PCDHB1: variants seen among roughly 807,000 people sequenced by gnomAD.
The protein encoded by PCDHB1 is protocadherin beta 1.
Under a neutral mutation model 43.5 loss-of-function variants are expected in PCDHB1, and 44 were observed. The ratio of observed to expected loss-of-function variants is 1.01; its 90% CI spans 0.79 to 1.30. The LOEUF is 1.30. PCDHB1 is among the 50% of genes most tolerant of loss of function. The pLI is 0.00. For synonymous variants in PCDHB1, 392 were observed against 400.8 expected, an observed-to-expected ratio of 0.98 and a Z score of 0.26; for missense variants, 919 against 1,008.9, an observed-to-expected ratio of 0.91 and a Z score of 1.21.
In PCDHB1 at chr5:141,054,551, A is replaced by G. The variant is rs1751081322; in HGVS notation, c.*624A>G. 6.6e-6 allele frequency: 1 copy of G among 152,240 alleles called. No homozygotes were observed. Among genetic ancestry groups the G allele is most frequent in the Non-Finnish European group, 1.5e-5 (1 of 68,092 alleles). 9.4% of individuals were successfully genotyped at this position (152,240 alleles called of 1,614,324 possible). On this transcript the variant is annotated 3_prime_UTR_variant, in exon 1 of 1. Transcript: ENST00000306549. ...AAATGCCTGGTAAATGGTGATCTTCACAAATAATCATGGTGGGAGGAAGGG... is the reference window on the plus strand; with the variant it reads ...AAATGCCTGGTAAATGGTGATCTTCGCAAATAATCATGGTGGGAGGAAGGG...
Position 141,054,740 on chromosome 5 carries a change from C to CTGGAG in PCDHB1, c.*816_*820dup, listed in dbSNP as rs1436107771. ...CGGAGTTTTTCTCTTGTTGCCCAGACTGGAGTGCAATGGCACGATCTCGGC... is the reference window on the plus strand; with the variant it reads ...CGGAGTTTTTCTCTTGTTGCCCAGACTGGAGTGGAGTGCAATGGCACGATCTCGGC... On this transcript the variant is annotated 3_prime_UTR_variant, in exon 1 of 1. Transcript: ENST00000306549. 2.5e-5 allele frequency: 3 copies of CTGGAG among 119,024 alleles called. No individual in the cohort carries two copies. The highest frequency in any genetic ancestry group is 9.8e-5 in the African/African-American group (3 of 30,670). The allele number at this position is 119,024 out of a possible 1,614,324, so 7.4% of individuals were successfully genotyped here. A position where few individuals can be genotyped will look rare whatever the true frequency, so the allele number is the denominator to read the frequency against.
In PCDHB1 at chr5:141,058,025, A is replaced by G. The variant is rs1554267959; in HGVS notation, c.*4098A>G. 6.6e-6 allele frequency: 1 copy of G among 152,232 alleles called. No homozygotes were observed. The highest frequency in any genetic ancestry group is 1.5e-5 in the Non-Finnish European group (1 of 68,032). 9.4% of individuals were successfully genotyped at this position (152,232 alleles called of 1,614,324 possible). On this transcript the variant is annotated 3_prime_UTR_variant, in exon 1 of 1. Coordinates refer to ENST00000306549, the MANE Select transcript of PCDHB1 (RefSeq NM_013340.4). ...AATAATTCTAGACTCATAAAATTGC[A>G]AAAATACTATAGATAGTTCCTGTAT...
At position 141,058,544 on chromosome 5, in the gene PCDHB1, T is replaced by C. The variant is rs782386453; in HGVS notation, c.*4617T>C. ...ATGTACCATGTTAGCCATTTTTAAGTATGTTAGCCATTTTTAAGTAATGTT... is the reference window on the plus strand; with the variant it reads ...ATGTACCATGTTAGCCATTTTTAAGCATGTTAGCCATTTTTAAGTAATGTT... On this transcript the variant is annotated 3_prime_UTR_variant, in exon 1 of 1. Coordinates refer to ENST00000306549, the MANE Select transcript of PCDHB1 (RefSeq NM_013340.4). 3.9e-5 allele frequency: 6 copies of C among 152,210 alleles called. No individual in the cohort carries two copies. Among genetic ancestry groups the C allele is most frequent in the Non-Finnish European group, 7.3e-5 (5 of 68,028 alleles). The allele number at this position is 152,210 out of a possible 1,614,324, so 9.4% of individuals were successfully genotyped here.
chr5:141,052,258 C>T lies in PCDHB1; in HGVS notation c.788C>T (p.Thr263Met), dbSNP rs1347403259. Residue 263 changes from threonine to methionine, a missense_variant, in exon 1 of 1, where the codon ACG becomes ATG. Thr to Met is a moderately conservative substitution (Grantham distance 81, BLOSUM62 -1). Transcript: ENST00000306549. ...AGCCCCAATGGCTCTTTGGTGGCCA[C>T]GGTGACTGCCGTGGACCTAGACGAG... is the stretch of plus-strand genomic sequence containing the variant. ...ENSPNGSLVA[T>M]VTAVDLDEGT... 4.3e-6 allele frequency: 7 copies of T among 1,614,060 alleles called. No homozygotes were observed. Among genetic ancestry groups the T allele is most frequent in the East Asian group, 2.2e-5 (1 of 44,890 alleles).
In PCDHB1 at chr5:141,056,824, T is replaced by A. The variant is rs909669156; in HGVS notation, c.*2897T>A. On this transcript the variant is annotated 3_prime_UTR_variant, in exon 1 of 1. Transcript: ENST00000306549. The stretch of plus-strand genomic sequence containing the variant: ...TTCGCCATGTTGGCATTTCGCTATG[T>A]TGGCCAGGCTGGTCTCGAGCTCCTG... 6.6e-6 allele frequency: 1 copy of A among 152,244 alleles called. No homozygotes were observed. Among genetic ancestry groups the A allele is most frequent in the Non-Finnish European group, 1.5e-5 (1 of 68,070 alleles). 9.4% of individuals were successfully genotyped at this position (152,244 alleles called of 1,614,324 possible).
In PCDHB1 at chr5:141,051,932, G is replaced by T. The variant is rs138595607; in HGVS notation, c.462G>T (p.Leu154=). Reference sequence around the variant, plus strand: ...CCCCTTTGGGTTCACGTTTTCCTCTGCAGAGCGCCCAGGATCTGGACGTGG... The same window carrying T: ...CCCCTTTGGGTTCACGTTTTCCTCTTCAGAGCGCCCAGGATCTGGACGTGG... ...ESTPLGSRFP[L]QSAQDLDVGL... Residue 154 remains leucine, a synonymous_variant, in exon 1 of 1, where the codon CTG becomes CTT. Transcript: ENST00000306549. 4.7e-4 allele frequency: 766 copies of T among 1,614,200 alleles called. 1 individual carries two copies. The highest frequency in any genetic ancestry group is 5.8e-4 in the Non-Finnish European group (686 of 1,180,032).
At position 141,051,945 on chromosome 5, in the gene PCDHB1, G is replaced by C; in HGVS notation, c.475G>C (p.Asp159His). 6.2e-7 allele frequency: 1 copy of C among 1,614,170 alleles called. No homozygotes were observed. Among genetic ancestry groups the C allele is most frequent in the Non-Finnish European group, 8.5e-7 (1 of 1,180,040 alleles). Reference protein sequence around the residue: ...GSRFPLQSAQDLDVGLNGLQN... With the variant: ...GSRFPLQSAQHLDVGLNGLQN... ...ACGTTTTCCTCTGCAGAGCGCCCAG[G>C]ATCTGGACGTGGGCCTTAACGGTCT... Residue 159 changes from aspartate (D) to histidine (H), a missense_variant, in exon 1 of 1, where the codon GAT becomes CAT. Asp to His is a moderately conservative substitution (Grantham distance 81, BLOSUM62 -1). Coordinates refer to ENST00000306549, the MANE Select transcript of PCDHB1 (RefSeq NM_013340.4).
In PCDHB1 at chr5:141,057,591, T is replaced by A. The variant is rs1284754371; in HGVS notation, c.*3664T>A. The A allele has an allele frequency of 1.4e-5, 2 of 142,418 alleles. No homozygotes were observed. The highest frequency in any genetic ancestry group is 3.1e-5 in the Non-Finnish European group (2 of 63,816). 8.8% of individuals were successfully genotyped at this position (142,418 alleles called of 1,614,324 possible). ...AGAAAAAAGAAAAAAAAAGGTAAGA[T>A]AACAATCTCATAAAAGAAACCATCC... On this transcript the variant is annotated 3_prime_UTR_variant, in exon 1 of 1. Coordinates refer to ENST00000306549, the MANE Select transcript of PCDHB1 (RefSeq NM_013340.4).
At position 141,054,135 on chromosome 5, in the gene PCDHB1, T is replaced by G. The variant is rs1563795351; in HGVS notation, c.*208T>G. 1 of 495,552 alleles carries G rather than the reference T, an allele frequency of 2.0e-6. No individual in the cohort carries two copies. Among genetic ancestry groups the G allele is most frequent in the African/African-American group, 1.9e-5 (1 of 52,764 alleles). 30.7% of individuals were successfully genotyped at this position (495,552 alleles called of 1,614,324 possible). ...TATCCTGATCCCCAGATCATATATCTATAACCCTTTCTCCAGTTGGAATTC... is the reference window on the plus strand; with the variant it reads ...TATCCTGATCCCCAGATCATATATCGATAACCCTTTCTCCAGTTGGAATTC... On this transcript the variant is annotated 3_prime_UTR_variant, in exon 1 of 1. Transcript: ENST00000306549.
In PCDHB1 at chr5:141,058,586, T is replaced by C. The variant is rs916795021; in HGVS notation, c.*4659T>C. On this transcript the variant is annotated 3_prime_UTR_variant, in exon 1 of 1. Coordinates refer to ENST00000306549, the MANE Select transcript of PCDHB1 (RefSeq NM_013340.4). Reference sequence around the variant, plus strand: ...AGTAATGTTAAGGTGATGTTAATTTTGATCGCTTGGTTAACATAATGTCTG... The same window carrying C: ...AGTAATGTTAAGGTGATGTTAATTTCGATCGCTTGGTTAACATAATGTCTG... The C allele has an allele frequency of 6.6e-6, 1 of 152,196 alleles. No homozygotes were observed. Among genetic ancestry groups the C allele is most frequent in the Non-Finnish European group, 1.5e-5 (1 of 68,028 alleles). 9.4% of individuals were successfully genotyped at this position (152,196 alleles called of 1,614,324 possible). A position where few individuals can be genotyped will look rare whatever the true frequency, so the allele number is the denominator to read the frequency against.
rs200399731 is a variant in PCDHB1, at chr5:141,052,172, T to C, written c.702T>C (p.Asp234=). The change falls in exon 1 of 1, where the codon GAT becomes GAC. Residue 234 remains aspartate (D), a synonymous_variant. Transcript: ENST00000306549. ...CTCACATCCACGTGGTGGTTCTGGA[T>C]GTCAACGACCACGTGCCCCAGTTCT... ...GTAHIHVVVL[D]VNDHVPQFSR... The C allele has an allele frequency of 6.2e-7, 1 of 1,613,982 alleles. No individual in the cohort carries two copies. Among genetic ancestry groups the C allele is most frequent in the Admixed American group, 1.7e-5 (1 of 59,994 alleles).
rs372083802 is a variant in PCDHB1, at chr5:141,052,529, C to T, written c.1059C>T (p.Ser353=). The change falls in exon 1 of 1, where the codon TCC becomes TCT. Residue 353 remains serine, a synonymous_variant. Coordinates refer to ENST00000306549, the MANE Select transcript of PCDHB1 (RefSeq NM_013340.4). ...CCGAAGTGATGGTCTCCTCTGTGTC[C>T]AGCCCACTCCCTGAAGACTCACCAC... ...NPPEVMVSSV[S]SPLPEDSPPQ... 105 of 1,614,016 alleles carry T rather than the reference C, an allele frequency of 6.5e-5. No individual in the cohort carries two copies. The Middle Eastern group carries it at 6.6e-4, about 10-fold the overall frequency.
In PCDHB1 at chr5:141,052,704, C is replaced by G; in HGVS notation, c.1234C>G (p.Arg412Gly). Residue 412 changes from arginine to glycine, a missense_variant, in exon 1 of 1, where the codon CGG becomes GGG. Coordinates refer to ENST00000306549, the MANE Select transcript of PCDHB1 (RefSeq NM_013340.4). ...ACTGGTCACTGACAGAAGCTTGGAT[C>G]GGGAGGAGGTCTCAGGCTATAATAT... ...YSLVTDRSLD[R>G]EEVSGYNITI... The G allele has an allele frequency of 6.2e-7, 1 of 1,614,160 alleles. No homozygotes were observed. Among genetic ancestry groups the G allele is most frequent in the East Asian group, 2.2e-5 (1 of 44,882 alleles).
Position 141,051,613 on chromosome 5 carries a change from T to C in PCDHB1, c.143T>C (p.Val48Ala). The part of the protein sequence containing the change: ...EMESGSFVAN[V>A]AKDLGLEVGK... ...GAGAGCGGCTCGTTTGTGGCCAACG[T>C]AGCTAAGGACCTAGGACTGGAGGTA... Residue 48 changes from valine to alanine, a missense_variant, in exon 1 of 1, where the codon GTA becomes GCA. Transcript: ENST00000306549. 3.7e-6 allele frequency: 6 copies of C among 1,614,204 alleles called. No individual in the cohort carries two copies. Among genetic ancestry groups the C allele is most frequent in the Non-Finnish European group, 4.2e-6 (5 of 1,180,034 alleles).
rs782803890 is a variant in PCDHB1 at position 141,052,763 on chromosome 5, C to A, written c.1293C>A (p.Ser431Arg). 6.2e-7 allele frequency: 1 copy of A among 1,614,196 alleles called. No individual in the cohort carries two copies. The highest frequency in any genetic ancestry group is 1.1e-5 in the South Asian group (1 of 91,076). The change falls in exon 1 of 1, where the codon AGC becomes AGA. Residue 431 changes from serine to arginine, a missense_variant. By Grantham distance (110) the Ser-to-Arg change is moderately radical (BLOSUM62 -1). Transcript: ENST00000306549. ...TIVAMDTGPPSLSAETMIEVL... is the reference protein window; with the variant it reads ...TIVAMDTGPPRLSAETMIEVL... ...TTGCCATGGATACTGGACCACCTAG[C>A]TTGTCTGCCGAGACTATGATAGAGG...
chr5:141,057,059 G>A lies in PCDHB1; in HGVS notation c.*3132G>A, dbSNP rs1554267897. The stretch of plus-strand genomic sequence containing the variant: ...AATGTCAAGGATAGGAAAAGAAAAT[G>A]GTGTAGATTCATGATTTTAAGACTT... On this transcript the variant is annotated 3_prime_UTR_variant, in exon 1 of 1. Transcript: ENST00000306549. 6.6e-6 allele frequency: 1 copy of A among 152,098 alleles called. No homozygotes were observed. Among genetic ancestry groups the A allele is most frequent in the Non-Finnish European group, 1.5e-5 (1 of 68,020 alleles). The allele number at this position is 152,098 out of a possible 1,614,324, so 9.4% of individuals were successfully genotyped here. A position where few individuals can be genotyped will look rare whatever the true frequency, so the allele number is the denominator to read the frequency against.
rs1554267754 is a variant in PCDHB1 at position 141,055,502 on chromosome 5, A to G, written c.*1575A>G. ...TAATAAGTGTTACAGAACACTCTAA[A>G]CTATTTTGTGCCATTAAGTGTACAC... On this transcript the variant is annotated 3_prime_UTR_variant, in exon 1 of 1. Transcript: ENST00000306549. The G allele has an allele frequency of 6.6e-6, 1 of 152,188 alleles. No individual in the cohort carries two copies. The highest frequency in any genetic ancestry group is 2.4e-5 in the African/African-American group (1 of 41,448). The allele number at this position is 152,188 out of a possible 1,614,324, so 9.4% of individuals were successfully genotyped here.
chr5:141,052,972 T>C lies in PCDHB1; in HGVS notation c.1502T>C (p.Val501Ala). The C allele has an allele frequency of 1.2e-6, 2 of 1,614,194 alleles. No homozygotes were observed. The highest frequency in any genetic ancestry group is 1.7e-6 in the Non-Finnish European group (2 of 1,180,026). Residue 501 changes from valine (V) to alanine (A), a missense_variant, in exon 1 of 1, where the codon GTC (valine) becomes GCC (alanine). Physicochemically the swap from Val to Ala is moderately conservative, Grantham distance 64 (BLOSUM62 0). Transcript: ENST00000306549. Reference sequence around the variant, plus strand: ...CCTCCAAAAAACGGAGATCTTTCAGTCTTTGCTTACATATCCATAAATTCA... The same window carrying C: ...CCTCCAAAAAACGGAGATCTTTCAGCCTTTGCTTACATATCCATAAATTCA... ...LLPPKNGDLS[V>A]FAYISINSGN... is the part of the protein sequence containing the mutation.
chr5:141,052,004 C>T lies in PCDHB1; in HGVS notation c.534C>T (p.Phe178=). The T allele has an allele frequency of 1.2e-6, 2 of 1,614,140 alleles. No individual in the cohort carries two copies. The highest frequency in any genetic ancestry group is 1.7e-6 in the Non-Finnish European group (2 of 1,180,032). Residue 178 remains phenylalanine (F), a synonymous_variant, in exon 1 of 1, where the codon TTC becomes TTT. Transcript: ENST00000306549. The stretch of plus-strand genomic sequence containing the variant: ...ACACCCTGAGTGCCAATGGGTATTT[C>T]CACCTGCACACCCGCTTCTGCAGCC... ...QNYTLSANGY[F]HLHTRFCSHG...
Sources: allele counts gnomAD v4.1 joint callset, GRCh38; gene constraint gnomAD v4.1.1; transcripts MANE v1.5; gene names NCBI Gene and HGNC (gene_info 2026-07-23, HGNC 2026-07-21).